Variants in ME3 observed in about 807,000 individuals in gnomAD.
The protein encoded by ME3 is malic enzyme 3.
Under a neutral mutation model 68.9 loss-of-function variants are expected in ME3, and 48 were observed. The ratio of observed to expected loss-of-function variants is 0.70; its 90% CI spans 0.55 to 0.89. ME3 has a LOEUF of 0.89. Among genes scored for constraint, ME3 ranks in the 40% least tolerant of loss-of-function variants. The probability of loss-of-function intolerance (pLI) is 0.00; values close to 1 mark genes in which losing one functional copy is unlikely to be tolerated. For synonymous variants in ME3, 320 were observed against 318.8 expected (o/e 1.00, Z -0.04); for missense variants, 675 against 797.4 (o/e 0.85, Z 1.85).
chr11:86,533,447 G>C (rs977097414), intron 4 of ME3, among the ~76,000 whole-genome samples: 4 of 152,100 alleles, frequency 2.6e-5, no homozygotes, highest in African/African-American at 9.7e-5. Flanking sequence ...GAATCATGAA[G>C]AAATAGAAAA....
intron 4 of ME3, among the ~76,000 whole-genome samples, chr11:86,527,687 G>A (rs1954869606): frequency 6.6e-6 from 1 of 152,210 alleles, no homozygotes; most frequent in African/African-American, 2.4e-5. Flanking sequence ...CCAGAAGAGA[G>A]TGGGGGCCAA....
intron 2 of ME3, among the ~76,000 whole-genome samples, chr11:86,607,342 A>C (rs964232477): frequency 1.3e-5 from 2 of 152,092 alleles, no homozygotes; most frequent in Non-Finnish European, 2.9e-5. Flanking sequence ...CAGGCATGCA[A>C]AATTTTCCCT....
chr11:86,625,259 T>C (rs1943588922), intron 2 of ME3, among the ~76,000 whole-genome samples: 1 of 152,012 alleles, frequency 6.6e-6, no homozygotes, highest in South Asian at 2.1e-4. Flanking sequence ...ACCCTGAGTT[T>C]GGTGACCATA....
At chr11:86,560,768 A>G (rs986338811) in intron 2 of ME3, among the ~76,000 whole-genome samples, 15 of 135,108 alleles carry the variant, frequency 1.1e-4, no homozygotes, top group Non-Finnish European at 2.4e-4. Context: ...ATATATATAT[A>G]TATATTTCCA....
intron 4 of ME3, among the ~76,000 whole-genome samples, chr11:86,527,276 T>C (rs1954832319): frequency 6.6e-6 from 1 of 151,876 alleles, no homozygotes; most frequent in Non-Finnish European, 1.5e-5. Flanking sequence ...TGATGGAAGA[T>C]CAAATGAATG....
At chr11:86,606,167 T>C (rs533656636) in intron 2 of ME3, among the ~76,000 whole-genome samples, 43 of 152,300 alleles carry the variant, frequency 2.8e-4, no homozygotes, top group Non-Finnish European at 4.9e-4. Context: ...AATTTATCCA[T>C]TGATCTCTAC....
chr11:86,540,769 A>G (rs114905735), intron 4 of ME3, among the ~76,000 whole-genome samples: 115 of 152,236 alleles, frequency 7.6e-4, no homozygotes, highest in African/African-American at 2.6e-3. Flanking sequence ...TCAATTTTCA[A>G]TGATCCTTTA....
chr11:86,671,965 C>T lies in ME3; in HGVS notation c.-14-7G>A. 3 of 1,390,658 alleles carry T rather than the reference C, an allele frequency of 2.2e-6. No individual in the cohort carries two copies. The highest frequency in any genetic ancestry group is 2.8e-6 in the Non-Finnish European group (3 of 1,079,234). The allele number at this position is 1,390,658 out of a possible 1,614,324, so 86.1% of individuals were successfully genotyped here. On this transcript the variant is annotated splice_region_variant and splice_polypyrimidine_tract_variant and intron_variant, in intron 1 of 14. Coordinates refer to ENST00000543262, the Ensembl canonical transcript of ME3. ...CCCATGGTCCTTGGCAGACCTGGCACGGGAGAGAAAGCAAGGTCAGGGCCT... is the reference window on the plus strand; with the variant it reads ...CCCATGGTCCTTGGCAGACCTGGCATGGGAGAGAAAGCAAGGTCAGGGCCT...
intron 4 of ME3, among the ~76,000 whole-genome samples, chr11:86,515,731 T>G (rs1224140499): frequency 6.6e-6 from 1 of 152,134 alleles, no homozygotes; most frequent in African/African-American, 2.4e-5. Context: ...GGGTAGTCAT[T>G]TAGGTGCCAA....
chr11:86,642,780 G>A (rs529826162), intron 2 of ME3, among the ~76,000 whole-genome samples: 1 of 152,126 alleles, frequency 6.6e-6, no homozygotes, highest in Non-Finnish European at 1.5e-5. Flanking sequence ...ACACCTTCAT[G>A]AATTTCATGT....
intron 4 of ME3, among the ~76,000 whole-genome samples, chr11:86,511,595 C>T (rs190534262): frequency 6.6e-6 from 1 of 152,132 alleles, no homozygotes; most frequent in Non-Finnish European, 1.5e-5. Flanking sequence ...ATAATAGTCT[C>T]TCCATGAAAC....
intron 4 of ME3, among the ~76,000 whole-genome samples, chr11:86,532,540 A>T (rs1165583283): frequency 6.6e-6 from 1 of 152,234 alleles, no homozygotes; most frequent in Non-Finnish European, 1.5e-5. Context: ...AATCACTATG[A>T]TATAAAACTA....
At chr11:86,501,496 CT>C (rs1952720669) in intron 5 of ME3, among the ~76,000 whole-genome samples, 2 of 152,172 alleles carry the variant, frequency 1.3e-5, no homozygotes, top group African/African-American at 2.4e-5. Flanking sequence ...AGCTTAATGG[CT>C]TTAACCTTGG....
intron 2 of ME3, among the ~76,000 whole-genome samples, chr11:86,605,853 T>TC (rs1961554158): frequency 6.6e-6 from 1 of 152,218 alleles, no homozygotes; most frequent in South Asian, 2.1e-4. Context: ...CAGTTTTTTT[T>TC]CCACTTTAAA....
At chr11:86,538,345 G>A (rs1955827311) in intron 4 of ME3, among the ~76,000 whole-genome samples, 1 of 152,082 alleles carries the variant, frequency 6.6e-6, no homozygotes, top group Non-Finnish European at 1.5e-5. Context: ...CTTGTCTAAG[G>A]ACAATAATGC....
At chr11:86,476,001 C>T (rs576924639) in intron 7 of ME3, among the ~76,000 whole-genome samples, 1 of 152,112 alleles carries the variant, frequency 6.6e-6, no homozygotes, top group African/African-American at 2.4e-5. Flanking sequence ...TTAGACCTAA[C>T]AGCTTTTCAC....
intron 2 of ME3, among the ~76,000 whole-genome samples, chr11:86,611,738 G>T (rs1005967726): frequency 9.2e-5 from 14 of 151,934 alleles, no homozygotes; most frequent in Non-Finnish European, 1.9e-4. Flanking sequence ...CTTACTATGG[G>T]TCTAGATGTT....
chr11:86,448,885 AT>A (rs1949471780), intron 10 of ME3, among the ~76,000 whole-genome samples: 1 of 152,174 alleles, frequency 6.6e-6, no homozygotes, highest in Non-Finnish European at 1.5e-5. Context: ...CAGTGCAAAG[AT>A]GTCAGCTTTG....
At chr11:86,622,644 C>T (rs980758842) in intron 2 of ME3, 1 of 151,920 alleles carries the variant, frequency 6.6e-6, no homozygotes, top group African/African-American at 2.4e-5. Flanking sequence ...TTCTTTGTAC[C>T]ACCTCTTCTG....
Sources: allele counts gnomAD v4.1 joint callset (sites outside exome capture counted in the v4.1 genomes callset), GRCh38; gene constraint gnomAD v4.1.1; transcripts MANE v1.5; gene names NCBI Gene and HGNC (gene_info 2026-07-23, HGNC 2026-07-21).